Variants in CYP3A5 observed in about 807,000 individuals in gnomAD.
The protein encoded by CYP3A5 is cytochrome P450 3A5.
CYP3A5 carries 51 observed loss-of-function variants against 55.9 expected under a neutral mutation model. The ratio of observed to expected loss-of-function variants is 0.91; its 90% confidence interval spans 0.73 to 1.15. The LOEUF (loss-of-function observed/expected upper bound fraction) is 1.15. Among genes scored for constraint, CYP3A5 ranks in the 50% most tolerant of loss-of-function variants. The pLI, the probability that CYP3A5 is intolerant of heterozygous loss-of-function variation, is 0.00. For synonymous variants in CYP3A5, 196 were observed against 213.9 expected, an observed-to-expected ratio of 0.92 and a Z score of 0.73; for missense variants, 533 against 596.6, an observed-to-expected ratio of 0.89 and a Z score of 1.11.
At chr7:99,677,349 G>A (rs1445585267) in intron 1 of CYP3A5, 2 of 617,210 alleles carry the variant, frequency 3.2e-6, no homozygotes, top group East Asian at 2.8e-4. Context: ...AAATGTGGCT[G>A]AAAAAGATGA....
chr7:99,665,062 A>G, intron 7 of CYP3A5, 104 bp downstream of exon 7: 1 of 1,064,376 alleles, frequency 9.4e-7, no homozygotes, highest in African/African-American at 1.6e-5. Flanking sequence ...TCTTAAAAAC[A>G]ATGGAATTGT....
chr7:99,679,983 C>A lies in CYP3A5; in HGVS notation c.-87G>T. ...GCTGGGCTGTTTGCCTGGAGCTTCCCTGCCCTGCACAGCAGTCTTCAGCCA... is the reference window on the plus strand; with the variant it reads ...GCTGGGCTGTTTGCCTGGAGCTTCCATGCCCTGCACAGCAGTCTTCAGCCA... On this transcript the variant is annotated 5_prime_UTR_variant, in exon 1 of 13. It adds an upstream start codon to the 5' untranslated region. Coordinates refer to ENST00000222982, the MANE Select transcript of CYP3A5 (RefSeq NM_000777.5). 1 of 1,134,934 alleles carries A rather than the reference C, an allele frequency of 8.8e-7. No individual in the cohort carries two copies. The highest frequency in any genetic ancestry group is 1.2e-5 in the South Asian group (1 of 80,582). The allele number at this position is 1,134,934 out of a possible 1,614,324, so 70.3% of individuals were successfully genotyped here. A position where few individuals can be genotyped will look rare whatever the true frequency, so the allele number is the denominator to read the frequency against.
chr7:99,671,117 T>TTGTGTGTGTGTGTG (rs59010937), intron 4 of CYP3A5: 23 of 141,926 alleles, frequency 1.6e-4, no homozygotes, highest in Non-Finnish European at 3.1e-4. Flanking sequence ...CACAGACCAT[T>TTGTGTGTGTGTGTG]TGTGTGTGTG....
chr7:99,669,286 C>T (rs907810257), intron 4 of CYP3A5, among the ~76,000 whole-genome samples: 9 of 152,130 alleles, frequency 5.9e-5, no homozygotes, highest in Non-Finnish European at 1.0e-4. Context: ...TATGCAAAAA[C>T]GTGCTGACAA....
chr7:99,649,969 C>T, intron 12 of CYP3A5, 104 bp downstream of exon 12: 2 of 1,404,958 alleles, frequency 1.4e-6, no homozygotes, highest in Non-Finnish European at 1.9e-6. Context: ...GGTTCTTTGG[C>T]CCATAGAATG....
intron 10 of CYP3A5, among the ~76,000 whole-genome samples, chr7:99,655,578 A>T (rs1243594675): frequency 2.0e-5 from 3 of 152,294 alleles, no homozygotes; most frequent in Non-Finnish European, 2.9e-5. Flanking sequence ...TTTTGGTTCC[A>T]TATGAACTTT....
chr7:99,656,436 T>C (rs1809742796), intron 10 of CYP3A5, among the ~76,000 whole-genome samples: 1 of 152,214 alleles, frequency 6.6e-6, no homozygotes, highest in African/African-American at 2.4e-5. Context: ...GAAGCCCACT[T>C]GATCATGGTG....
chr7:99,663,334 C>A, intron 8 of CYP3A5: 1 of 995,098 alleles, frequency 1.0e-6, no homozygotes, highest in Non-Finnish European at 1.2e-6. Context: ...AATATTCCAA[C>A]ATTCTCAAAC....
At position 99,676,172 on chromosome 7, in the gene CYP3A5, C is replaced by G; in HGVS notation, c.108G>C (p.Leu36=). ...GTRTHGLFKR[L]GIPGPTPLPL... is the part of the protein sequence containing the mutation. ...GCAGAGGTGTGGGCCCTGGAATTCC[C>G]AGTCTCTTAAAAAGTCCATGTGTAC... Residue 36 remains leucine, a synonymous_variant, in exon 2 of 13, where the codon CTG becomes CTC. Transcript: ENST00000222982. 6.2e-7 allele frequency: 1 copy of G among 1,613,778 alleles called. No homozygotes were observed. Among genetic ancestry groups the G allele is most frequent in the Middle Eastern group, 1.7e-4 (1 of 6,060 alleles).
chr7:99,674,505 A>G (rs1474255397), intron 3 of CYP3A5, 28 bp downstream of exon 3: 7 of 1,601,368 alleles, frequency 4.4e-6, no homozygotes, highest in African/African-American at 1.3e-5. Context: ...TAGCAGGTCT[A>G]TCCAATGGAG....
intron 9 of CYP3A5, among the ~76,000 whole-genome samples, chr7:99,661,751 A>T (rs1349546933): frequency 1.3e-5 from 2 of 152,240 alleles, no homozygotes; most frequent in Non-Finnish European, 2.9e-5. Context: ...GGGTAAATTC[A>T]ACCATCCAAT....
intron 4 of CYP3A5, among the ~76,000 whole-genome samples, chr7:99,669,873 A>T (rs1811414800): frequency 6.6e-6 from 1 of 152,200 alleles, no homozygotes; most frequent in African/African-American, 2.4e-5. Flanking sequence ...GATGGTAGGT[A>T]AAAGAGAGGG....
intron 4 of CYP3A5, 121 bp from the exon 5 acceptor site, chr7:99,667,186 G>A (rs1218947251): frequency 8.8e-6 from 7 of 797,536 alleles, no homozygotes; most frequent in Admixed American, 3.7e-5. Context: ...TGATATTATG[G>A]CAAGCCATAT....
At chr7:99,664,123 G>A (rs907643465) in intron 7 of CYP3A5, 28 bp from the exon 8 acceptor site, 2 of 1,529,852 alleles carry the variant, frequency 1.3e-6, no homozygotes, top group African/African-American at 1.4e-5. Context: ...CAAACAAAAG[G>A]AAATCATTGA....
In CYP3A5 at chr7:99,676,339, C is replaced by T. The variant is rs747811967; in HGVS notation, c.72-131G>A. 1.9e-6 allele frequency: 3 copies of T among 1,552,748 alleles called. No homozygotes were observed. In the African/African-American group the frequency reaches 4.1e-5, roughly 21 times the overall value. On this transcript the variant is annotated intron_variant, in intron 1 of 12. Transcript: ENST00000222982. ...TACACGATAAATAATAACAGCAACT[C>T]CAACATCAGTAATTGCATTCACTCA...
At chr7:99,660,069 G>C (rs1810258167) in intron 10 of CYP3A5, 2 of 395,518 alleles carry the variant, frequency 5.1e-6, no homozygotes, top group African/African-American at 4.4e-5. Context: ...TGCACCCACT[G>C]TCCTGCACCC....
chr7:99,672,918 GA>G, intron 3 of CYP3A5: 7 of 1,301,780 alleles, frequency 5.4e-6, no homozygotes, highest in Non-Finnish European at 6.8e-6. Context: ...AAGAGATATT[GA>G]AAGACAAAAG....
At chr7:99,673,935 A>G (rs1811961940) in intron 3 of CYP3A5, among the ~76,000 whole-genome samples, 1 of 152,240 alleles carries the variant, frequency 6.6e-6, no homozygotes, top group Admixed American at 6.5e-5. Flanking sequence ...ATACCTGGTG[A>G]CACATGGGAT....
At chr7:99,651,684 G>C (rs562967634) in intron 11 of CYP3A5, among the ~76,000 whole-genome samples, 7 of 152,348 alleles carry the variant, frequency 4.6e-5, no homozygotes, top group Admixed American at 2.6e-4. Context: ...TCACCAGCCA[G>C]TACCCTAAAA....
Sources: allele counts gnomAD v4.1 joint callset (sites outside exome capture counted in the v4.1 genomes callset), GRCh38; gene constraint gnomAD v4.1.1; transcripts MANE v1.5; gene names NCBI Gene and HGNC (gene_info 2026-07-23, HGNC 2026-07-21).